Variants in FREM1 observed in about 807,000 individuals in gnomAD.
FREM1 encodes the protein FRAS1 related extracellular matrix 1.
Under a neutral mutation model 210.1 loss-of-function variants are expected in FREM1, and 220 were observed. The observed-to-expected ratio is 1.05, with a 90% CI of 0.94 to 1.17. The LOEUF (loss-of-function observed/expected upper bound fraction) is 1.17, where lower values mean the gene tolerates loss of function less well. FREM1 is among the 50% of genes most tolerant of loss of function. The pLI, the probability that FREM1 is intolerant of heterozygous loss-of-function variation, is 0.00. For missense variants in FREM1, 3,454 were observed against 2,675.5 expected (o/e 1.29, Z -6.42); for synonymous variants, 1,189 against 980.2 (o/e 1.21, Z -3.98).
intron 23 of FREM1, among the ~76,000 whole-genome samples, chr9:14,785,023 G>C (rs1850194516): frequency 6.6e-6 from 1 of 152,118 alleles, no homozygotes; most frequent in South Asian, 2.1e-4. Flanking sequence ...ACAAGATTTG[G>C]CATTATTTTG....
intron 35 of FREM1, among the ~76,000 whole-genome samples, chr9:14,746,018 T>C (rs977482967): frequency 6.6e-6 from 1 of 152,168 alleles, no homozygotes; most frequent in African/African-American, 2.4e-5. Flanking sequence ...AATCTTCTGA[T>C]TTCCTCACAA....
At chr9:14,796,530 T>C (rs905542192) in intron 21 of FREM1, among the ~76,000 whole-genome samples, 2 of 152,188 alleles carry the variant, frequency 1.3e-5, no homozygotes, top group South Asian at 2.1e-4. Context: ...GAGAGTGATA[T>C]GGTTTGGCTG....
At chr9:14,766,002 T>A (rs1846330870) in intron 27 of FREM1, among the ~76,000 whole-genome samples, 1 of 152,132 alleles carries the variant, frequency 6.6e-6, no homozygotes, top group African/African-American at 2.4e-5. Flanking sequence ...CTGCGGATCA[T>A]CTTGGAGATT....
At position 14,833,419 on chromosome 9, in the gene FREM1, G is replaced by A. The variant is rs188475779; in HGVS notation, c.1881+8028C>T. 2.6e-3 allele frequency among the ~76,000 whole-genome samples: 401 copies of A among 152,300 alleles called. 17 individuals carry two copies. The highest frequency in any genetic ancestry group is 0.026 in the Admixed American group (397 of 15,290). On this transcript the variant is annotated intron_variant, in intron 10 of 36. Transcript: ENST00000380880. ...GTCGGTTCAGCCTACACCCAGGGAT[G>A]GTCGAGGAGAGCTTAGGGGCTAAAA... is the stretch of plus-strand genomic sequence containing the variant.
At chr9:14,813,177 A>T (rs1819712028) in intron 15 of FREM1, 113 bp from the exon 16 acceptor site, 1 of 1,141,514 alleles carries the variant, frequency 8.8e-7, no homozygotes. Flanking sequence ...TTACAGACAC[A>T]TGAAACAACA....
intron 20 of FREM1, among the ~76,000 whole-genome samples, chr9:14,798,047 T>G (rs887806051): frequency 6.6e-6 from 1 of 152,124 alleles, no homozygotes; most frequent in African/African-American, 2.4e-5. Context: ...ATGTAACTGT[T>G]TTTTTTAAAT....
intron 25 of FREM1, among the ~76,000 whole-genome samples, chr9:14,775,463 T>C (rs544351688): frequency 6.6e-6 from 1 of 152,208 alleles, no homozygotes; most frequent in Non-Finnish European, 1.5e-5. Flanking sequence ...CCCAGCACTT[T>C]GGGAGGCCGA....
intron 18 of FREM1, among the ~76,000 whole-genome samples, chr9:14,806,286 G>A (rs946103401): frequency 1.4e-4 from 17 of 122,258 alleles, no homozygotes; most frequent in East Asian, 4.7e-4. Context: ...CGGAGTTTCC[G>A]CTCCTGCTGT....
At chr9:14,740,375 G>A (rs994797980) in intron 35 of FREM1, 141 bp from the exon 36 acceptor site, 2 of 614,826 alleles carry the variant, frequency 3.3e-6, no homozygotes, top group Admixed American at 2.6e-5. Context: ...TTTTAATAGT[G>A]CAGTTTTATT....
intron 13 of FREM1, among the ~76,000 whole-genome samples, chr9:14,821,881 G>A (rs776240567): frequency 1.3e-5 from 2 of 152,140 alleles, no homozygotes; most frequent in African/African-American, 2.4e-5. Context: ...TTTAAATGTT[G>A]GCAATTCATT....
intron 29 of FREM1, among the ~76,000 whole-genome samples, chr9:14,753,149 T>C (rs998034146): frequency 2.0e-5 from 3 of 152,230 alleles, no homozygotes; most frequent in African/African-American, 7.2e-5. Flanking sequence ...TTCAGAAGGC[T>C]TGGACTGGCT....
chr9:14,873,636 T>A (rs552082844), intron 1 of FREM1, among the ~76,000 whole-genome samples: 1 of 152,190 alleles, frequency 6.6e-6, no homozygotes, highest in Non-Finnish European at 1.5e-5. Flanking sequence ...ATTCATTAAT[T>A]TTTTGAAGGG....
intron 27 of FREM1, among the ~76,000 whole-genome samples, chr9:14,761,449 T>C (rs1255165047): frequency 6.6e-6 from 1 of 152,118 alleles, no homozygotes; most frequent in African/African-American, 2.4e-5. Flanking sequence ...GAAAAGAGGA[T>C]CCTTGTATTA....
chr9:14,886,895 C>CAAAA (rs59827471), intron 1 of FREM1, among the ~76,000 whole-genome samples: 118 of 95,304 alleles, frequency 1.2e-3, no homozygotes, highest in Non-Finnish European at 1.7e-3. Flanking sequence ...GACCTTGTTT[C>CAAAA]AAAAAAAAAA....
intron 13 of FREM1, among the ~76,000 whole-genome samples, chr9:14,822,549 A>C (rs1026269256): frequency 6.6e-6 from 1 of 152,210 alleles, no homozygotes; most frequent in Non-Finnish European, 1.5e-5. Context: ...ATACTAATTA[A>C]GCCTAGCATT....
rs547870634 is a variant in FREM1 at position 14,852,425 on chromosome 9, C to T, written c.829-818G>A. Reference sequence around the variant, plus strand: ...TCACAGGGTGAGGTGTGGTAGCTCACGCCTGCAATCCCAGCACTCTGGGAG... The same window carrying T: ...TCACAGGGTGAGGTGTGGTAGCTCATGCCTGCAATCCCAGCACTCTGGGAG... On this transcript the variant is annotated intron_variant, in intron 5 of 36. Coordinates refer to ENST00000380880, the MANE Select transcript of FREM1 (RefSeq NM_001379081.2). 4.4e-4 allele frequency among the ~76,000 whole-genome samples: 67 copies of T among 152,260 alleles called. No individual in the cohort carries two copies. In the South Asian group the frequency reaches 0.013, roughly 30 times the overall value.
intron 10 of FREM1, among the ~76,000 whole-genome samples, chr9:14,838,845 A>C (rs1191729045): frequency 6.6e-6 from 1 of 152,188 alleles, no homozygotes; most frequent in African/African-American, 2.4e-5. Flanking sequence ...GATATGTGTA[A>C]ACAGATGCCA....
Position 14,748,588 on chromosome 9 carries a change from T to C in FREM1, c.5609A>G (p.Glu1870Gly). 1 of 1,613,842 alleles carries C rather than the reference T, an allele frequency of 6.2e-7. No homozygotes were observed. The highest frequency in any genetic ancestry group is 8.5e-7 in the Non-Finnish European group (1 of 1,179,816). ...GGGCAGCAGATGCCAAATGCCCTTC[T>C]CCCATGTGCTGTGCTTGCTTTGGTT... is the stretch of plus-strand genomic sequence containing the variant. ...SSNQSKHSTWEKGIWHLLPPG... is the reference protein window; with the variant it reads ...SSNQSKHSTWGKGIWHLLPPG... The change falls in exon 31 of 37, where the codon GAG becomes GGG. Residue 1870 changes from glutamate (E) to glycine (G), a missense_variant. Glu to Gly is a moderately conservative substitution (Grantham distance 98, BLOSUM62 -2). Transcript: ENST00000380880.
intron 27 of FREM1, among the ~76,000 whole-genome samples, chr9:14,765,569 C>G (rs1439362997): frequency 1.3e-5 from 2 of 152,176 alleles, no homozygotes; most frequent in African/African-American, 4.8e-5. Flanking sequence ...AGTCTGAAGA[C>G]AAAAACCTTA....
Sources: gnomAD v4.1 joint callset for allele counts (sites outside exome capture counted in the v4.1 genomes callset) on GRCh38, gnomAD v4.1.1 for gene constraint, MANE v1.5 for transcripts, NCBI Gene and HGNC (gene_info 2026-07-23, HGNC 2026-07-21) for gene names.